The following CTNNA2 variants were observed in gnomAD, a reference collection of about 807,000 sequenced individuals.
CTNNA2 encodes the protein catenin alpha-2.
CTNNA2 carries 42 observed loss-of-function variants against 101.0 expected under a neutral mutation model. The observed-to-expected ratio is 0.42, with a 90% CI of 0.32 to 0.54. The LOEUF (loss-of-function observed/expected upper bound fraction) is 0.54. Among genes scored for constraint, CTNNA2 ranks in the 20% least tolerant of loss-of-function variants. The pLI, the probability that CTNNA2 is intolerant of heterozygous loss-of-function variation, is 0.14. For missense variants in CTNNA2, 871 were observed against 1,223.1 expected, an observed-to-expected ratio of 0.71 and a Z score of 4.29; for synonymous variants, 450 against 456.4, an observed-to-expected ratio of 0.99 and a Z score of 0.18.
chr2:79,445,728 G>A (rs988209236), intron 4 of CTNNA2, among the ~76,000 whole-genome samples: 1 of 152,042 alleles, frequency 6.6e-6, no homozygotes, highest in African/African-American at 2.4e-5. Context: ...GCCCATGATT[G>A]TACCTGCCCC....
At chr2:80,084,605 A>G (rs1699333539) in intron 7 of CTNNA2, among the ~76,000 whole-genome samples, 1 of 152,130 alleles carries the variant, frequency 6.6e-6, no homozygotes, top group Non-Finnish European at 1.5e-5. Context: ...GACTTGATTA[A>G]TGAAAGCAAA....
intron 3 of CTNNA2, among the ~76,000 whole-genome samples, chr2:79,790,887 G>T (rs956259641): frequency 6.6e-6 from 1 of 152,050 alleles, no homozygotes; most frequent in Non-Finnish European, 1.5e-5. Flanking sequence ...ATTTTCACCT[G>T]GCTTATTCCT....
chr2:80,644,221 TTAAATGGGGAGTAATAATCATTC>T (rs1191901884), intron 18 of CTNNA2, among the ~76,000 whole-genome samples: 2 of 152,102 alleles, frequency 1.3e-5, no homozygotes, highest in African/African-American at 4.8e-5. Flanking sequence ...TCCTCACTTA[TTAAATGGGGAGTAATAATCATTC>T]CTACTTCGAG....
At chr2:79,705,760 A>G (rs1685314872) in intron 2 of CTNNA2, among the ~76,000 whole-genome samples, 1 of 152,260 alleles carries the variant, frequency 6.6e-6, no homozygotes, top group African/African-American at 2.4e-5. Flanking sequence ...AATACTTGGT[A>G]CTGCATTGCA....
intron 2 of CTNNA2, among the ~76,000 whole-genome samples, chr2:79,291,163 C>A (rs1373287699): frequency 6.6e-6 from 1 of 152,190 alleles, no homozygotes; most frequent in Non-Finnish European, 1.5e-5. Flanking sequence ...ACACAAGTAA[C>A]CACCCTTAAA....
chr2:80,479,292 G>A lies in CTNNA2; in HGVS notation c.1290+59691G>A, dbSNP rs563396976. 2.6e-5 allele frequency among the ~76,000 whole-genome samples: 4 copies of A among 152,170 alleles called. No individual in the cohort carries two copies. In the South Asian group the frequency reaches 6.2e-4, roughly 24 times the overall value. The stretch of plus-strand genomic sequence containing the variant: ...GCAATGTCTAGGGACATTTGGCAAC[G>A]TTCTGAGACATTTTTGGCTGCCGGA... On this transcript the variant is annotated intron_variant, in intron 9 of 18. Transcript: ENST00000402739.
intron 2 of CTNNA2, among the ~76,000 whole-genome samples, chr2:79,659,326 A>G (rs1681849101): frequency 6.6e-6 from 1 of 151,658 alleles, no homozygotes; most frequent in Non-Finnish European, 1.5e-5. Flanking sequence ...AGGCATCATT[A>G]TAGTCATTTT....
intron 7 of CTNNA2, among the ~76,000 whole-genome samples, chr2:80,105,064 T>G (rs933288850): frequency 6.6e-6 from 1 of 152,166 alleles, no homozygotes; most frequent in South Asian, 2.1e-4. Context: ...TTCTTCAAAA[T>G]GAAAGGAAAG....
chr2:79,296,492 C>A (rs1365278009), intron 2 of CTNNA2, among the ~76,000 whole-genome samples: 2 of 152,084 alleles, frequency 1.3e-5, no homozygotes, highest in Non-Finnish European at 2.9e-5. Flanking sequence ...TCATTTATAG[C>A]TTTTTTACAG....
In CTNNA2 at chr2:79,612,254, C is replaced by T. The variant is rs76016021; in HGVS notation, c.-5-39298C>T. On this transcript the variant is annotated intron_variant, in intron 1 of 18. Transcript: ENST00000402739. ...TTCTTTTAGAATAATCCATATCAGA[C>T]AGATGTATAAGGTAGCAAATGTTTC... Among the ~76,000 whole-genome samples the T allele has an allele frequency of 7.3e-3, 1,111 of 152,234 alleles. 60 individuals carry two copies. The East Asian group carries it at 0.12, about 16-fold the overall frequency.
intron 7 of CTNNA2, among the ~76,000 whole-genome samples, chr2:80,007,595 A>G (rs1169631281): frequency 1.3e-5 from 2 of 152,158 alleles, no homozygotes; most frequent in Admixed American, 1.3e-4. Flanking sequence ...TGCCCAAGCC[A>G]TTAGGAAGAT....
intron 7 of CTNNA2, among the ~76,000 whole-genome samples, chr2:80,292,181 T>C (rs75188414): frequency 0.028 from 4,302 of 152,236 alleles, 109 homozygotes; most frequent in South Asian, 0.038. Flanking sequence ...AAAACACTTA[T>C]CTAGTACTTG....
rs554040265 is a variant in CTNNA2, at chr2:79,889,110, G to T, written c.852+14768G>T. On this transcript the variant is annotated intron_variant, in intron 6 of 18. Coordinates refer to ENST00000402739, the MANE Select transcript of CTNNA2 (RefSeq NM_001282597.3). ...TCTCGTGTGCTTCCTATGTTACAGTGCTGGGAACGTGATAGGGAGTTACTT... is the reference window on the plus strand; with the variant it reads ...TCTCGTGTGCTTCCTATGTTACAGTTCTGGGAACGTGATAGGGAGTTACTT... Among the ~76,000 whole-genome samples the T allele has an allele frequency of 9.9e-5, 15 of 152,202 alleles. No homozygotes were observed. In the East Asian group the frequency reaches 1.2e-3, roughly 12 times the overall value.
intron 6 of CTNNA2, among the ~76,000 whole-genome samples, chr2:79,908,974 C>T (rs1369270885): frequency 1.3e-5 from 2 of 152,180 alleles, no homozygotes; most frequent in African/African-American, 2.4e-5. Flanking sequence ...TATATAGGCT[C>T]CTTCCAAACA....
chr2:79,413,422 C>G (rs1198123397), intron 4 of CTNNA2, among the ~76,000 whole-genome samples: 2 of 151,936 alleles, frequency 1.3e-5, no homozygotes, highest in Admixed American at 1.3e-4. Flanking sequence ...GAATAGTATT[C>G]CACTCTGTAT....
At chr2:80,403,955 A>G (rs1382041382) in intron 8 of CTNNA2, among the ~76,000 whole-genome samples, 1 of 152,234 alleles carries the variant, frequency 6.6e-6, no homozygotes, top group Non-Finnish European at 1.5e-5. Flanking sequence ...CCTGCAGATG[A>G]GGCTGACTTG....
intron 9 of CTNNA2, among the ~76,000 whole-genome samples, chr2:80,452,213 A>G (rs753375246): frequency 5.5e-4 from 83 of 151,846 alleles, no homozygotes; most frequent in Non-Finnish European, 1.0e-3. Context: ...ATCAGGATTC[A>G]CAGCTAGGTT....
intron 7 of CTNNA2, among the ~76,000 whole-genome samples, chr2:80,353,171 T>C (rs1159448884): frequency 6.6e-6 from 1 of 151,986 alleles, no homozygotes; most frequent in Non-Finnish European, 1.5e-5. Context: ...TTCCCCTCCA[T>C]TTAGATTTAG....
intron 2 of CTNNA2, among the ~76,000 whole-genome samples, chr2:79,662,497 C>G (rs1343776855): frequency 6.6e-6 from 1 of 152,052 alleles, no homozygotes; most frequent in Non-Finnish European, 1.5e-5. Context: ...GGGCGGTTAG[C>G]TAACAAAATT....
Sources: gnomAD v4.1 joint callset for allele counts (sites outside exome capture counted in the v4.1 genomes callset) on GRCh38, gnomAD v4.1.1 for gene constraint, MANE v1.5 for transcripts, NCBI Gene and HGNC (gene_info 2026-07-23, HGNC 2026-07-21) for gene names.